NRG1: variants seen among roughly 807,000 people sequenced by gnomAD.
The protein encoded by NRG1 is pro-neuregulin-1, membrane-bound isoform.
NRG1 carries 18 observed loss-of-function variants against 63.8 expected under a neutral mutation model. That is an observed-to-expected ratio of 0.28 (90% CI 0.19 to 0.42). The LOEUF (loss-of-function observed/expected upper bound fraction) is 0.42. NRG1 is among the 10% of genes least tolerant of loss of function. The pLI is 1.00. For missense variants in NRG1, 762 were observed against 814.7 expected, an observed-to-expected ratio of 0.94 and a Z score of 0.79; for synonymous variants, 302 against 301.3, an observed-to-expected ratio of 1.00 and a Z score of -0.02.
chr8:31,825,151 A>G (rs766196830), intron 1 of NRG1, among the ~76,000 whole-genome samples: 2 of 152,106 alleles, frequency 1.3e-5, no homozygotes, highest in Non-Finnish European at 2.9e-5. Flanking sequence ...AGCACTTTAG[A>G]AGGCCGAGGC....
chr8:32,258,647 C>G (rs988755794), intron 1 of NRG1, among the ~76,000 whole-genome samples: 6 of 152,114 alleles, frequency 3.9e-5, no homozygotes, highest in Non-Finnish European at 8.8e-5. Context: ...GAAGGAGGAA[C>G]TGTCAAACAC....
intron 5 of NRG1, among the ~76,000 whole-genome samples, chr8:32,683,385 G>A (rs1351778394): frequency 3.3e-5 from 5 of 152,078 alleles, no homozygotes; most frequent in African/African-American, 1.2e-4. Context: ...GTCAGTCTTC[G>A]GAAATTGACT....
intron 1 of NRG1, among the ~76,000 whole-genome samples, chr8:32,219,109 C>T (rs1013582183): frequency 6.6e-6 from 1 of 152,292 alleles, no homozygotes; most frequent in African/African-American, 2.4e-5. Flanking sequence ...TTATTAATCT[C>T]AGAAGGCATG....
intron 1 of NRG1, among the ~76,000 whole-genome samples, chr8:32,138,380 C>T (rs1835818340): frequency 6.6e-6 from 1 of 151,814 alleles, no homozygotes; most frequent in Non-Finnish European, 1.5e-5. Context: ...GGAATACAAA[C>T]AAAGCATTTT....
intron 1 of NRG1, among the ~76,000 whole-genome samples, chr8:31,712,255 C>CTTTTTTTTTTTTTTTTTT (rs57363109): frequency 2.3e-4 from 17 of 72,350 alleles, no homozygotes; most frequent in African/African-American, 5.3e-4. Context: ...TCTTCATGAT[C>CTTTTTTTTTTTTTTTTTT]TTTTTTTTTT....
At chr8:31,814,378 T>C (rs1823229743) in intron 1 of NRG1, among the ~76,000 whole-genome samples, 1 of 152,184 alleles carries the variant, frequency 6.6e-6, no homozygotes, top group Non-Finnish European at 1.5e-5. Context: ...TAAAATCTCT[T>C]TGGACCTCAG....
At chr8:32,585,004 T>C (rs1369895413) in intron 1 of NRG1, among the ~76,000 whole-genome samples, 1 of 152,152 alleles carries the variant, frequency 6.6e-6, no homozygotes, top group African/African-American at 2.4e-5. Context: ...AAAGAAGAAA[T>C]GGTTATAAAG....
rs1007753859 is a variant in NRG1, at chr8:32,069,651, C to T, written c.37+430220C>T. On this transcript the variant is annotated intron_variant, in intron 1 of 10. Transcript: ENST00000519301. ...AATGGGACCTTTTTGGAAGACTGCACCTCGGGGTAAGGATGCTTGTGACCC... is the reference window on the plus strand; with the variant it reads ...AATGGGACCTTTTTGGAAGACTGCATCTCGGGGTAAGGATGCTTGTGACCC... Among the ~76,000 whole-genome samples, 6 of 152,076 alleles carry T rather than the reference C, an allele frequency of 3.9e-5. No individual in the cohort carries two copies. In the South Asian group the frequency reaches 1.0e-3, roughly 26 times the overall value.
intron 1 of NRG1, among the ~76,000 whole-genome samples, chr8:32,496,720 A>G (rs1827240365): frequency 1.3e-5 from 2 of 152,206 alleles, no homozygotes; most frequent in African/African-American, 4.8e-5. Flanking sequence ...ATGACTGATT[A>G]TATATATTAG....
intron 1 of NRG1, among the ~76,000 whole-genome samples, chr8:32,136,221 T>C (rs1292299079): frequency 6.6e-6 from 1 of 152,232 alleles, no homozygotes; most frequent in Non-Finnish European, 1.5e-5. Flanking sequence ...CAGAGCTTAC[T>C]GCCCATTATA....
intron 1 of NRG1, among the ~76,000 whole-genome samples, chr8:32,486,627 A>ATTTTTTTTTTTTTTTTTTTTTTTTT (rs1554557143): frequency 6.9e-6 from 1 of 145,518 alleles, no homozygotes; most frequent in African/African-American, 2.6e-5. Flanking sequence ...GAATTGCTGG[A>ATTTTTTTTTTTTTTTTTTTTTTTTT]TTTTTTTTTT....
intron 1 of NRG1, among the ~76,000 whole-genome samples, chr8:32,154,461 C>T (rs1262751783): frequency 6.6e-6 from 1 of 152,084 alleles, no homozygotes; most frequent in East Asian, 1.9e-4. Context: ...CACCCCCCAG[C>T]ACTCCCTTCC....
At chr8:32,447,866 A>G (rs1163189135) in intron 1 of NRG1, among the ~76,000 whole-genome samples, 2 of 150,700 alleles carry the variant, frequency 1.3e-5, no homozygotes, top group Non-Finnish European at 3.0e-5. Flanking sequence ...AAAAAAAAAT[A>G]CGTAAAGCAA....
chr8:32,085,747 G>A lies in NRG1; in HGVS notation c.37+446316G>A, dbSNP rs570584825. 2.6e-5 allele frequency among the ~76,000 whole-genome samples: 4 copies of A among 152,278 alleles called. No homozygotes were observed. In the East Asian group the frequency reaches 7.7e-4, roughly 29 times the overall value. On this transcript the variant is annotated intron_variant, in intron 1 of 10. Coordinates refer to the NRG1 transcript ENST00000519301. The stretch of plus-strand genomic sequence containing the variant: ...ATACCTCACCTGGGATTATATTGAT[G>A]ATTTTTGGTTCAACTATTTCTCAAA...
intron 7 of NRG1, among the ~76,000 whole-genome samples, chr8:32,751,687 C>T (rs917717970): frequency 3.9e-5 from 6 of 152,278 alleles, no homozygotes; most frequent in Admixed American, 2.6e-4. Flanking sequence ...TATGGGCCTT[C>T]GCTTGAATCA....
intron 1 of NRG1, among the ~76,000 whole-genome samples, chr8:31,981,925 A>G (rs181139402): frequency 1.4e-4 from 21 of 152,134 alleles, no homozygotes; most frequent in African/African-American, 4.8e-4. Context: ...TATTTAAATA[A>G]TGTACAGGAG....
At chr8:31,723,046 G>C (rs540637635) in intron 1 of NRG1, among the ~76,000 whole-genome samples, 2 of 152,132 alleles carry the variant, frequency 1.3e-5, no homozygotes, top group Non-Finnish European at 2.9e-5. Context: ...GATGAACTTA[G>C]AGATTATACA....
At chr8:32,646,952 A>AAGAAAG (rs1853685057) in intron 5 of NRG1, 1 of 985,082 alleles carries the variant, frequency 1.0e-6, no homozygotes, top group Non-Finnish European at 1.2e-6. Context: ...GAAGAAGGGA[A>AAGAAAG]AGAAAGAGAA....
intron 1 of NRG1, among the ~76,000 whole-genome samples, chr8:31,981,726 C>T (rs1809134986): frequency 6.6e-6 from 1 of 151,872 alleles, no homozygotes; most frequent in African/African-American, 2.4e-5. Flanking sequence ...TTAATAAAAA[C>T]AGCATGGTCA....
Sources: allele counts gnomAD v4.1 joint callset (sites outside exome capture counted in the v4.1 genomes callset), GRCh38; gene constraint gnomAD v4.1.1; transcripts MANE v1.5; gene names NCBI Gene and HGNC (gene_info 2026-07-23, HGNC 2026-07-21).